Variants in CREBRF observed in about 807,000 individuals in gnomAD.
The protein encoded by CREBRF is UPF0474 protein C5orf41.
A neutral mutation model predicts 66.1 loss-of-function variants in CREBRF; 5 were observed. The ratio of observed to expected loss-of-function variants is 0.08; its 90% CI spans 0.04 to 0.16. The LOEUF (loss-of-function observed/expected upper bound fraction) is 0.16. CREBRF is among the 10% of genes least tolerant of loss of function. The pLI, the probability that CREBRF is intolerant of heterozygous loss-of-function variation, is 1.00. For missense variants in CREBRF, 531 were observed against 744.9 expected (o/e 0.71, Z 3.34); for synonymous variants, 229 against 264.4 (o/e 0.87, Z 1.30).
intron 1 of CREBRF, among the ~76,000 whole-genome samples, chr5:173,064,528 G>A (rs1757374826): frequency 6.6e-6 from 1 of 151,264 alleles, no homozygotes; most frequent in Non-Finnish European, 1.5e-5. Flanking sequence ...GACTATCTGG[G>A]ACTACAGGTG....
chr5:173,125,391 T>G (rs1215758703), intron 8 of CREBRF, among the ~76,000 whole-genome samples: 1 of 152,198 alleles, frequency 6.6e-6, no homozygotes, highest in Non-Finnish European at 1.5e-5. Flanking sequence ...TCATGTATCG[T>G]GCCATTTTCT....
intron 4 of CREBRF, 123 bp from the exon 5 acceptor site, chr5:173,108,501 T>G: frequency 2.6e-6 from 2 of 770,652 alleles, no homozygotes; most frequent in Non-Finnish European, 4.2e-6. Flanking sequence ...ATCTTTGACA[T>G]GCCAATGATG....
At position 173,084,117 on chromosome 5, in the gene CREBRF, A is replaced by G. The variant is rs148321446; in HGVS notation, c.10-2384A>G. Among the ~76,000 whole-genome samples the G allele has an allele frequency of 2.0e-3, 302 of 152,312 alleles. 1 individual carries two copies. Among genetic ancestry groups the G allele is most frequent in the African/African-American group, 7.1e-3 (295 of 41,560 alleles). On this transcript the variant is annotated intron_variant, in intron 2 of 8. Transcript: ENST00000296953. ...TACTCAAGGGTGGAAAGAAAAGGCAACTTTCAAAAAGGAGTATGTTATTAA... is the reference window on the plus strand; with the variant it reads ...TACTCAAGGGTGGAAAGAAAAGGCAGCTTTCAAAAAGGAGTATGTTATTAA...
At chr5:173,073,924 G>A (rs916156097) in intron 1 of CREBRF, among the ~76,000 whole-genome samples, 1 of 151,910 alleles carries the variant, frequency 6.6e-6, no homozygotes, top group Non-Finnish European at 1.5e-5. Flanking sequence ...CCGAGATTGC[G>A]CCACTGCGCT....
At position 173,090,825 on chromosome 5, in the gene CREBRF, A is replaced by G. The variant is rs1758303761; in HGVS notation, c.646A>G (p.Lys216Glu). 1 of 1,614,060 alleles carries G rather than the reference A, an allele frequency of 6.2e-7. No individual in the cohort carries two copies. The highest frequency in any genetic ancestry group is 1.3e-5 in the African/African-American group (1 of 74,938). Residue 216 changes from lysine (K) to glutamate (E), a missense_variant, in exon 4 of 9, where the codon AAG becomes GAG. Physicochemically the swap from Lys to Glu is moderately conservative, Grantham distance 56. This residue lies in a region of CREBRF where 309 missense variants were observed against 341.4 expected (regional missense o/e 0.90). Transcript: ENST00000296953. This position sits in a 1 kb window ranked among gnomAD's most constrained non-coding sequence, Gnocchi z 4.5. ...CACTTCAAGCACACAAATCATGGTG[A>G]AGACCAACATGTATCATAATGAAAA... ...KPTSSTQIMV[K>E]TNMYHNEKVN...
At chr5:173,070,729 C>T (rs1757574421) in intron 1 of CREBRF, among the ~76,000 whole-genome samples, 3 of 152,028 alleles carry the variant, frequency 2.0e-5, no homozygotes, top group Admixed American at 1.3e-4. Flanking sequence ...TATGATACTA[C>T]AGTGGTTCAA....
rs113884925 is a variant in CREBRF, at chr5:173,096,062, C to T, written c.1222+4661C>T. Among the ~76,000 whole-genome samples the T allele has an allele frequency of 3.6e-3, 544 of 152,172 alleles. 2 individuals carry two copies. Among genetic ancestry groups the T allele is most frequent in the African/African-American group, 0.012 (506 of 41,520 alleles). On this transcript the variant is annotated intron_variant, in intron 4 of 8. Transcript: ENST00000296953. The stretch of plus-strand genomic sequence containing the variant: ...TGGGCTCACTGCAAACTCCGCCTCC[C>T]GGGTTATGCCATTCTCCTGCCTCAG...
At chr5:173,084,860 T>C (rs540876472) in intron 2 of CREBRF, among the ~76,000 whole-genome samples, 1 of 152,328 alleles carries the variant, frequency 6.6e-6, no homozygotes, top group African/African-American at 2.4e-5. Context: ...TTAGCCAGGA[T>C]GGTCTCGATC....
chr5:173,123,012 A>G, intron 7 of CREBRF, 68 bp from the exon 8 acceptor site: 1 of 1,430,302 alleles, frequency 7.0e-7, no homozygotes, highest in Admixed American at 2.4e-5. Context: ...ATTATCTGTT[A>G]TTACATAATT....
At chr5:173,063,730 CTTTT>C (rs949087304) in intron 1 of CREBRF, among the ~76,000 whole-genome samples, 10 of 145,140 alleles carry the variant, frequency 6.9e-5, no homozygotes, top group Non-Finnish European at 1.2e-4. Flanking sequence ...TTCTTTTTGA[CTTTT>C]TTTTTTTGAG....
chr5:173,077,732 C>T (rs1757808094), intron 1 of CREBRF, among the ~76,000 whole-genome samples: 1 of 152,082 alleles, frequency 6.6e-6, no homozygotes, highest in African/African-American at 2.4e-5. Context: ...AAACTATGTA[C>T]ACTTATTAAA....
At chr5:173,114,244 T>C (rs1314011769) in intron 7 of CREBRF, among the ~76,000 whole-genome samples, 1 of 152,226 alleles carries the variant, frequency 6.6e-6, no homozygotes, top group Admixed American at 6.5e-5. Context: ...AATGCAAAGC[T>C]ATCCATTTTC....
intron 4 of CREBRF, chr5:173,092,152 A>T: frequency 1.1e-6 from 1 of 916,942 alleles, no homozygotes; most frequent in Non-Finnish European, 1.3e-6. Context: ...AGTTGAGATA[A>T]GTTAGGAGTA....
chr5:173,102,573 C>A (rs1758652546), intron 4 of CREBRF, among the ~76,000 whole-genome samples: 1 of 152,092 alleles, frequency 6.6e-6, no homozygotes. Flanking sequence ...CATTTGGGGT[C>A]AGTCTGAAAC....
chr5:173,056,620 C>T (rs1757049180), intron 1 of CREBRF, 141 bp downstream of exon 1: 3 of 387,616 alleles, frequency 7.7e-6, no homozygotes, highest in East Asian at 7.3e-5. Context: ...GGGCCGGGAC[C>T]ACGGCCGAGT....
chr5:173,092,430 G>C lies in CREBRF; in HGVS notation c.1222+1029G>C, dbSNP rs571722771. 67 of 985,278 alleles carry C rather than the reference G, an allele frequency of 6.8e-5. 1 individual carries two copies. The highest frequency in any genetic ancestry group is 7.2e-6 in the Non-Finnish European group (6 of 829,838). 61.0% of individuals were successfully genotyped at this position (985,278 alleles called of 1,614,324 possible). On this transcript the variant is annotated intron_variant, in intron 4 of 8. Coordinates refer to ENST00000296953, the MANE Select transcript of CREBRF (RefSeq NM_153607.3). ...GTTCACTTTAGCATTTACATGCTTG[G>C]GCTTTTGGCGCTGTTGGCTTGTGCA...
intron 6 of CREBRF, among the ~76,000 whole-genome samples, chr5:173,111,213 G>A (rs1297334497): frequency 6.6e-6 from 1 of 151,832 alleles, no homozygotes; most frequent in African/African-American, 2.4e-5. Context: ...CCGTAGTTTT[G>A]CCTTTTCCAG....
At chr5:173,101,668 T>C (rs992575490) in intron 4 of CREBRF, among the ~76,000 whole-genome samples, 1 of 151,692 alleles carries the variant, frequency 6.6e-6, no homozygotes, top group African/African-American at 2.4e-5. Context: ...TTCTCCTGCC[T>C]CAGCCTCCTG....
At position 173,136,025 on chromosome 5, in the gene CREBRF, T is replaced by C. The variant is rs1759581980; in HGVS notation, c.*2280T>C. 6.6e-6 allele frequency: 1 copy of C among 151,992 alleles called. No homozygotes were observed. Among genetic ancestry groups the C allele is most frequent in the African/African-American group, 2.4e-5 (1 of 41,004 alleles). 9.4% of individuals were successfully genotyped at this position (151,992 alleles called of 1,614,324 possible). A position where few individuals can be genotyped will look rare whatever the true frequency, so the allele number is the denominator to read the frequency against. On this transcript the variant is annotated 3_prime_UTR_variant, in exon 9 of 9. Transcript: ENST00000296953. ...CACAGGCTTGCAAGTTGGAAGTATA[T>C]GAAGTCTTGACAGAGTGTGTCTGGT...
Sources: gnomAD v4.1 joint callset for allele counts (sites outside exome capture counted in the v4.1 genomes callset) on GRCh38, gnomAD v4.1.1 for gene constraint, gnomAD v4.1.1 regional missense constraint, Gnocchi (gnomAD v3.1) non-coding constraint, MANE v1.5 for transcripts, NCBI Gene and HGNC (gene_info 2026-07-23, HGNC 2026-07-21) for gene names.